Variants in MYT1 observed in about 807,000 individuals in gnomAD.
MYT1 encodes the protein myelin transcription factor I.
In MYT1, 23 loss-of-function variants were observed where a neutral mutation model predicts 123.0. That is an observed-to-expected ratio of 0.19 (90% confidence interval 0.13 to 0.26). MYT1 has a LOEUF of 0.26. MYT1 is among the 10% of genes least tolerant of loss of function. The pLI, the probability that MYT1 is intolerant of heterozygous loss-of-function variation, is 1.00. For synonymous variants in MYT1, 518 were observed against 575.3 expected (o/e 0.90, Z 1.43); for missense variants, 1,125 against 1,472.5 (o/e 0.76, Z 3.86).
Position 64,168,973 on chromosome 20 carries a change from A to G in MYT1, c.-99+4234A>G, listed in dbSNP as rs1982163220. On this transcript the variant is annotated intron_variant, in intron 1 of 22. Transcript: ENST00000328439. This position sits in a 1 kb window ranked among gnomAD's most constrained non-coding sequence, Gnocchi z 6.1. Reference sequence around the variant, plus strand: ...GCTTCACACCTCCATCGTGTTCAACACTGGTCTGAGGGCTGGGGCAGAAGC... The same window carrying G: ...GCTTCACACCTCCATCGTGTTCAACGCTGGTCTGAGGGCTGGGGCAGAAGC... 6.6e-6 allele frequency among the ~76,000 whole-genome samples: 1 copy of G among 152,156 alleles called. No homozygotes were observed.
rs139852874 is a variant in MYT1, at chr20:64,212,961, G to A, written c.1518-573G>A. Among the ~76,000 whole-genome samples the A allele has an allele frequency of 2.0e-5, 3 of 152,286 alleles. No individual in the cohort carries two copies. The highest frequency in any genetic ancestry group is 4.8e-5 in the African/African-American group (2 of 41,548). ...AGTTCCCCATTACGTCACCTCCCTG[G>A]GCTGGCTGAGGGACTGGCGCTGGAG... On this transcript the variant is annotated intron_variant, in intron 9 of 22. Transcript: ENST00000328439. This position sits in a 1 kb window ranked among gnomAD's most constrained non-coding sequence, Gnocchi z 6.8.
In MYT1 at chr20:64,223,052, C is replaced by T. The variant is rs1984057203; in HGVS notation, c.2397-59C>T. The T allele has an allele frequency of 5.0e-6, 8 of 1,600,402 alleles. No individual in the cohort carries two copies. In the Admixed American group the frequency reaches 5.0e-5, roughly 10 times the overall value. On this transcript the variant is annotated intron_variant, in intron 14 of 22. Coordinates refer to ENST00000328439, the MANE Select transcript of MYT1 (RefSeq NM_004535.3). ...ACCAGTCTCCCTCGCAGAGCAGGCTCAGCCTGGGGGGCAGGTACACACCAC... is the reference window on the plus strand; with the variant it reads ...ACCAGTCTCCCTCGCAGAGCAGGCTTAGCCTGGGGGGCAGGTACACACCAC...
At chr20:64,200,111 C>G (rs1983249817) in intron 4 of MYT1, among the ~76,000 whole-genome samples, 189 bp downstream of exon 4, 1 of 152,240 alleles carries the variant, frequency 6.6e-6, no homozygotes, top group Non-Finnish European at 1.5e-5. Flanking sequence ...TATCTGTTCT[C>G]ACCTCTGTCC....
At chr20:64,237,891 T>C (rs948648984) in intron 21 of MYT1, among the ~76,000 whole-genome samples, 7 of 152,070 alleles carry the variant, frequency 4.6e-5, no homozygotes, top group African/African-American at 9.7e-5. Context: ...AGCCTCTTCC[T>C]CAGTCAATTC....
intron 4 of MYT1, 99 bp from the exon 5 acceptor site, chr20:64,204,936 C>T (rs1212140087): frequency 6.6e-6 from 8 of 1,212,896 alleles, no homozygotes; most frequent in Admixed American, 2.0e-5. Flanking sequence ...TGAGGTGAAT[C>T]GTCTGGAGAC....
At chr20:64,223,611 T>C (rs1340730892) in intron 16 of MYT1, among the ~76,000 whole-genome samples, 1 of 152,014 alleles carries the variant, frequency 6.6e-6, no homozygotes, top group Non-Finnish European at 1.5e-5. Context: ...CGCTGCAGGC[T>C]CCTGCGCTGC....
At chr20:64,188,304 A>G (rs1174003264) in intron 1 of MYT1, among the ~76,000 whole-genome samples, 1 of 152,212 alleles carries the variant, frequency 6.6e-6, no homozygotes, top group East Asian at 1.9e-4. Flanking sequence ...CCTCTGGAGC[A>G]CACAGACCTT....
At chr20:64,223,218 G>A (rs776051939) in intron 15 of MYT1, 45 bp downstream of exon 15, 1 of 1,613,734 alleles carries the variant, frequency 6.2e-7, no homozygotes, top group South Asian at 1.1e-5. Flanking sequence ...GCTTCGTGGT[G>A]GGTCTTCCTC....
chr20:64,214,183 T>C (rs535253283), intron 10 of MYT1, among the ~76,000 whole-genome samples: 1 of 152,312 alleles, frequency 6.6e-6, no homozygotes, highest in South Asian at 2.1e-4. Context: ...CCCCTGAGGT[T>C]CTGAGATCAC....
chr20:64,235,042 TG>T, intron 19 of MYT1, among the ~76,000 whole-genome samples: 1 of 141,154 alleles, frequency 7.1e-6, no homozygotes, highest in East Asian at 2.2e-4. Flanking sequence ...TGGGTGACCC[TG>T]GGCTGGCCAT....
In MYT1 at chr20:64,190,246, C is replaced by T. The variant is rs1982924031; in HGVS notation, c.-1+86C>T. 6.6e-6 allele frequency: 1 copy of T among 152,608 alleles called. No individual in the cohort carries two copies. The highest frequency in any genetic ancestry group is 2.1e-4 in the South Asian group (1 of 4,824). 9.5% of individuals were successfully genotyped at this position (152,608 alleles called of 1,614,324 possible). A position where few individuals can be genotyped will look rare whatever the true frequency, so the allele number is the denominator to read the frequency against. On this transcript the variant is annotated intron_variant, in intron 2 of 22. Coordinates refer to ENST00000328439, the MANE Select transcript of MYT1 (RefSeq NM_004535.3). The surrounding 1 kb of genome is among the most constrained non-coding windows in gnomAD (Gnocchi z 4.1). ...CCTCTCTTCAGCTGCAGGCATGAAGCATGGAGGCGACTTTTGGTCTGATCC... is the reference window on the plus strand; with the variant it reads ...CCTCTCTTCAGCTGCAGGCATGAAGTATGGAGGCGACTTTTGGTCTGATCC...
Position 64,166,018 on chromosome 20 carries a change from G to A in MYT1, c.-99+1279G>A, listed in dbSNP as rs1257985295. 6.6e-6 allele frequency among the ~76,000 whole-genome samples: 1 copy of A among 152,180 alleles called. No individual in the cohort carries two copies. Among genetic ancestry groups the A allele is most frequent in the Non-Finnish European group, 1.5e-5 (1 of 68,014 alleles). On this transcript the variant is annotated intron_variant, in intron 1 of 22. Coordinates refer to ENST00000328439, the MANE Select transcript of MYT1 (RefSeq NM_004535.3). This position sits in a 1 kb window ranked among gnomAD's most constrained non-coding sequence, Gnocchi z 4.9. ...CTGGCCTCACTCTGGCCTGGGGAGT[G>A]GGGGTGCTGTATCCTCTACAGGGCT... is the stretch of plus-strand genomic sequence containing the variant.
chr20:64,217,978 T>C (rs541173863), intron 11 of MYT1, among the ~76,000 whole-genome samples: 2 of 152,376 alleles, frequency 1.3e-5, no homozygotes, highest in African/African-American at 2.4e-5. Flanking sequence ...AAGCATTCAG[T>C]GTACACATGA....
intron 10 of MYT1, among the ~76,000 whole-genome samples, chr20:64,215,696 C>G (rs1481574818): frequency 1.3e-5 from 2 of 151,900 alleles, no homozygotes; most frequent in East Asian, 3.9e-4. Flanking sequence ...GTGATCCTCC[C>G]ACCTCAGCCT....
At position 64,208,505 on chromosome 20, in the gene MYT1, C is replaced by G; in HGVS notation, c.1291+18C>G. 1 of 1,567,890 alleles carries G rather than the reference C, an allele frequency of 6.4e-7. No individual in the cohort carries two copies. The highest frequency in any genetic ancestry group is 2.3e-5 in the East Asian group (1 of 44,326). Reference sequence around the variant, plus strand: ...CAGTAAAGGTAGGGCTCAGGGGTGGCCTGGCCCTGCAGACTCATCCTTTCA... The same window carrying G: ...CAGTAAAGGTAGGGCTCAGGGGTGGGCTGGCCCTGCAGACTCATCCTTTCA... On this transcript the variant is annotated intron_variant, in intron 7 of 22. Coordinates refer to ENST00000328439, the MANE Select transcript of MYT1 (RefSeq NM_004535.3). The surrounding 1 kb of genome is among the most constrained non-coding windows in gnomAD (Gnocchi z 5.4).
chr20:64,220,450 C>CAGTT (rs551151314), intron 13 of MYT1, among the ~76,000 whole-genome samples: 32 of 152,342 alleles, frequency 2.1e-4, no homozygotes, highest in African/African-American at 7.5e-4. Flanking sequence ...CCATGGTGGG[C>CAGTT]AGTTCTACGT....
intron 19 of MYT1, among the ~76,000 whole-genome samples, chr20:64,235,681 G>T (rs1239771145): frequency 2.1e-5 from 3 of 142,136 alleles, no homozygotes; most frequent in Non-Finnish European, 3.1e-5. Flanking sequence ...GGGTGACACT[G>T]GGCTGGTGGT....
rs143614847 is a variant in MYT1, at chr20:64,190,855, G to A, written c.-1+695G>A. On this transcript the variant is annotated intron_variant, in intron 2 of 22. Coordinates refer to ENST00000328439, the MANE Select transcript of MYT1 (RefSeq NM_004535.3). The surrounding 1 kb of genome is among the most constrained non-coding windows in gnomAD (Gnocchi z 4.1). ...ATGGTGGCATGCGCCTGTAATCCCAGCTACTGGGGAGGCTGAGGCAGGAGA... is the reference window on the plus strand; with the variant it reads ...ATGGTGGCATGCGCCTGTAATCCCAACTACTGGGGAGGCTGAGGCAGGAGA... Among the ~76,000 whole-genome samples the A allele has an allele frequency of 0.013, 1,948 of 152,318 alleles. 37 individuals carry two copies. Among genetic ancestry groups the A allele is most frequent in the African/African-American group, 0.045 (1,866 of 41,558 alleles).
At position 64,227,869 on chromosome 20, in the gene MYT1, T is replaced by G; in HGVS notation, c.2592-19T>G. ...CGGTTCCAGCACTAAGGTGGCCTTT[T>G]TTCCTCTTTCGAAATCAGCTTGTCC... On this transcript the variant is annotated intron_variant, in intron 17 of 22. Coordinates refer to ENST00000328439, the MANE Select transcript of MYT1 (RefSeq NM_004535.3). 6.2e-7 allele frequency: 1 copy of G among 1,610,286 alleles called. No individual in the cohort carries two copies. The highest frequency in any genetic ancestry group is 1.1e-5 in the South Asian group (1 of 90,408).
Sources: gnomAD v4.1 joint callset for allele counts (sites outside exome capture counted in the v4.1 genomes callset) on GRCh38, gnomAD v4.1.1 for gene constraint, Gnocchi (gnomAD v3.1) non-coding constraint, MANE v1.5 for transcripts, NCBI Gene and HGNC (gene_info 2026-07-23, HGNC 2026-07-21) for gene names.